The following SGCZ variants were observed in gnomAD, a reference collection of about 807,000 sequenced individuals.
SGCZ encodes the protein zeta-sarcoglycan.
SGCZ carries 40 observed loss-of-function variants against 41.3 expected under a neutral mutation model. That is an observed-to-expected ratio of 0.97 (90% CI 0.75 to 1.26). The LOEUF (loss-of-function observed/expected upper bound fraction) is 1.26, where lower values mean the gene tolerates loss of function less well. Ranked by LOEUF, SGCZ falls within the 50% of genes most tolerant of loss-of-function variation. The probability of loss-of-function intolerance (pLI) is 0.00; values close to 1 mark genes in which losing one functional copy is unlikely to be tolerated. For synonymous variants in SGCZ, 206 were observed against 137.5 expected, an observed-to-expected ratio of 1.50 and a Z score of -3.49; for missense variants, 552 against 369.8, an observed-to-expected ratio of 1.49 and a Z score of -4.04.
chr8:14,212,607 A>G (rs1585237350), intron 4 of SGCZ, among the ~76,000 whole-genome samples: 1 of 152,172 alleles, frequency 6.6e-6, no homozygotes, highest in Non-Finnish European at 1.5e-5. Context: ...AGATTTCAAT[A>G]GGATCAAGAG....
At chr8:15,204,163 A>G (rs1800986326) in intron 1 of SGCZ, among the ~76,000 whole-genome samples, 1 of 152,200 alleles carries the variant, frequency 6.6e-6, no homozygotes. Context: ...AGAACTCTGT[A>G]TATCCAATGG....
intron 1 of SGCZ, among the ~76,000 whole-genome samples, chr8:14,724,862 C>T (rs895444119): frequency 6.6e-6 from 1 of 152,124 alleles, no homozygotes; most frequent in African/African-American, 2.4e-5. Flanking sequence ...TTCAGTTTCA[C>T]TCTTCTATTT....
intron 5 of SGCZ, among the ~76,000 whole-genome samples, chr8:14,153,479 G>A (rs887561222): frequency 2.0e-5 from 3 of 152,144 alleles, no homozygotes; most frequent in Admixed American, 1.3e-4. Flanking sequence ...GCAATGAAAT[G>A]ATACATCCCA....
At position 14,645,484 on chromosome 8, in the gene SGCZ, G is replaced by GA. The variant is rs368044086; in HGVS notation, c.40-90559_40-90558insT. Among the ~76,000 whole-genome samples, 4 of 135,808 alleles carry GA rather than the reference G, an allele frequency of 2.9e-5. No individual in the cohort carries two copies. In the East Asian group the frequency reaches 1.0e-3, roughly 35 times the overall value. The allele number at this position is 135,808 out of a possible 152,430, so 89.1% of individuals were successfully genotyped here. A position where few individuals can be genotyped will look rare whatever the true frequency, so the allele number is the denominator to read the frequency against. On this transcript the variant is annotated intron_variant, in intron 1 of 7. Transcript: ENST00000382080. ...ATTGATTATATATATATATTTATAT[G>GA]TATATATATATATATATGGCACATA... is the stretch of plus-strand genomic sequence containing the variant.
chr8:14,862,573 TATATATATAC>T (rs1188253158), intron 1 of SGCZ, among the ~76,000 whole-genome samples: 5 of 124,976 alleles, frequency 4.0e-5, no homozygotes, highest in East Asian at 2.6e-4. Flanking sequence ...TATATATATA[TATATATATAC>T]ACACACAATT....
At chr8:14,874,340 G>A (rs999570521) in intron 1 of SGCZ, among the ~76,000 whole-genome samples, 3 of 152,036 alleles carry the variant, frequency 2.0e-5, no homozygotes, top group Non-Finnish European at 2.9e-5. Flanking sequence ...CAACACTTCT[G>A]TACTAAATAG....
intron 3 of SGCZ, among the ~76,000 whole-genome samples, chr8:14,310,168 T>C (rs1033329303): frequency 1.3e-5 from 2 of 152,192 alleles, no homozygotes; most frequent in African/African-American, 4.8e-5. Context: ...GTACTCTTCC[T>C]GATGGCTGAT....
At chr8:14,488,767 A>T (rs1801755021) in intron 2 of SGCZ, among the ~76,000 whole-genome samples, 1 of 146,278 alleles carries the variant, frequency 6.8e-6, no homozygotes, top group Non-Finnish European at 1.5e-5. Flanking sequence ...GTTTCAGCAG[A>T]GTTGAATTCA....
At chr8:15,095,672 C>A (rs1264647583) in intron 1 of SGCZ, among the ~76,000 whole-genome samples, 1 of 152,090 alleles carries the variant, frequency 6.6e-6, no homozygotes, top group African/African-American at 2.4e-5. Flanking sequence ...ATTCACTCAG[C>A]CAAAAGCCCA....
chr8:14,410,752 T>A (rs377347028), intron 2 of SGCZ, among the ~76,000 whole-genome samples: 1 of 152,138 alleles, frequency 6.6e-6, no homozygotes, highest in African/African-American at 2.4e-5. Context: ...GTTTTGCACA[T>A]GTATCCTAGA....
intron 1 of SGCZ, among the ~76,000 whole-genome samples, chr8:14,900,097 C>T (rs1029745104): frequency 4.6e-5 from 7 of 152,048 alleles, no homozygotes; most frequent in Admixed American, 1.3e-4. Flanking sequence ...CAAGCCCCTA[C>T]GGTAATTTTT....
intron 2 of SGCZ, among the ~76,000 whole-genome samples, chr8:14,328,592 A>T (rs1450602455): frequency 6.6e-6 from 1 of 152,174 alleles, no homozygotes; most frequent in Non-Finnish European, 1.5e-5. Context: ...CATTTTACTT[A>T]AATTTTTAGT....
rs550559259 is a variant in SGCZ, at chr8:14,502,775, G to C, written c.234+51957C>G. On this transcript the variant is annotated intron_variant, in intron 2 of 7. Transcript: ENST00000382080. ...ATACCATGTCACGCCAGTTAGAACGGCAATCATTAAAAAGTCAAGAAAGAA... is the reference window on the plus strand; with the variant it reads ...ATACCATGTCACGCCAGTTAGAACGCCAATCATTAAAAAGTCAAGAAAGAA... Among the ~76,000 whole-genome samples the C allele has an allele frequency of 3.9e-5, 6 of 152,284 alleles. No individual in the cohort carries two copies. The South Asian group carries it at 1.0e-3, about 26-fold the overall frequency.
chr8:14,847,126 A>AAGAAGAAGAAGAAG (rs761276429), intron 1 of SGCZ, among the ~76,000 whole-genome samples: 71 of 126,446 alleles, frequency 5.6e-4, no homozygotes, highest in African/African-American at 2.1e-3. Context: ...GAAGAAGAAG[A>AAGAAGAAGAAGAAG]AAGAAGAAGA....
intron 1 of SGCZ, among the ~76,000 whole-genome samples, chr8:14,616,925 T>C (rs1806124255): frequency 2.0e-5 from 3 of 152,178 alleles, no homozygotes; most frequent in Admixed American, 6.5e-5. Context: ...ACCTTTAGGT[T>C]GTTCTCTGCT....
chr8:15,144,296 T>C (rs1229771384), intron 1 of SGCZ, among the ~76,000 whole-genome samples: 6 of 152,216 alleles, frequency 3.9e-5, no homozygotes, highest in Admixed American at 3.9e-4. Context: ...CTTTGTTATA[T>C]GCTACACAAT....
intron 3 of SGCZ, among the ~76,000 whole-genome samples, chr8:14,264,778 G>C (rs1224975282): frequency 6.6e-6 from 1 of 152,074 alleles, no homozygotes; most frequent in Non-Finnish European, 1.5e-5. Flanking sequence ...TGGCTAACAC[G>C]GTGAAACCCC....
At chr8:14,994,835 G>GT (rs1802157909) in intron 1 of SGCZ, among the ~76,000 whole-genome samples, 1 of 152,020 alleles carries the variant, frequency 6.6e-6, no homozygotes, top group South Asian at 2.1e-4. Flanking sequence ...TATTATACAC[G>GT]TTTTTTCTTA....
chr8:14,439,899 T>C (rs964508161), intron 2 of SGCZ, among the ~76,000 whole-genome samples: 1 of 152,010 alleles, frequency 6.6e-6, no homozygotes, highest in Non-Finnish European at 1.5e-5. Context: ...CTATTCTGTG[T>C]CCAATCCATT....
Sources: allele counts gnomAD v4.1 joint callset (sites outside exome capture counted in the v4.1 genomes callset), GRCh38; gene constraint gnomAD v4.1.1; transcripts MANE v1.5; gene names NCBI Gene and HGNC (gene_info 2026-07-23, HGNC 2026-07-21).